Variants in ZMYM2 observed in about 807,000 individuals in gnomAD.
ZMYM2 encodes zinc finger MYM-type containing 2.
Under a neutral mutation model 162.8 loss-of-function variants are expected in ZMYM2, and 56 were observed. The observed-to-expected ratio is 0.34, with a 90% confidence interval of 0.28 to 0.43. The LOEUF (loss-of-function observed/expected upper bound fraction) is 0.43, where lower values mean the gene tolerates loss of function less well. ZMYM2 is among the 20% of genes least tolerant of loss of function. The pLI, the probability that ZMYM2 is intolerant of heterozygous loss-of-function variation, is 1.00. For missense variants in ZMYM2, 1,275 were observed against 1,621.8 expected, an observed-to-expected ratio of 0.79 and a Z score of 3.67; for synonymous variants, 510 against 541.6, an observed-to-expected ratio of 0.94 and a Z score of 0.81.
chr13:20,085,321 G>A (rs1203196235), intron 24 of ZMYM2, among the ~76,000 whole-genome samples: 1 of 152,040 alleles, frequency 6.6e-6, no homozygotes, highest in African/African-American at 2.4e-5. Context: ...GTAGTGTCAG[G>A]GTCTTCAGTT....
chr13:19,999,788 A>C (rs1950262780), intron 3 of ZMYM2, among the ~76,000 whole-genome samples: 1 of 152,140 alleles, frequency 6.6e-6, no homozygotes, highest in African/African-American at 2.4e-5. Flanking sequence ...TGAACACAGG[A>C]ATGATAACAA....
At chr13:20,066,677 G>A (rs772373284) in intron 19 of ZMYM2, 174 bp from the exon 20 acceptor site, 5 of 494,178 alleles carry the variant, frequency 1.0e-5, no homozygotes, top group Non-Finnish European at 1.7e-5. Flanking sequence ...GTAGAAGGAG[G>A]TTGGAGAGGC....
At chr13:20,048,543 A>C (rs1162818337) in intron 12 of ZMYM2, among the ~76,000 whole-genome samples, 1 of 151,932 alleles carries the variant, frequency 6.6e-6, no homozygotes, top group Admixed American at 6.6e-5. Flanking sequence ...TTTCGTATTC[A>C]TGGTTCTCCC....
chr13:19,912,873 A>G, the ZMYM2 span, among the ~76,000 whole-genome samples: 1 of 152,194 alleles, frequency 6.6e-6, no homozygotes, highest in Non-Finnish European at 1.5e-5. Flanking sequence ...AAGGTGAAGG[A>G]TAAGTGTTAC....
At chr13:19,952,693 C>G in the ZMYM2 span, among the ~76,000 whole-genome samples, 10 of 152,006 alleles carry the variant, frequency 6.6e-5, no homozygotes, top group African/African-American at 2.4e-4. Flanking sequence ...TTACAATAAA[C>G]TGGAAAAATG....
the ZMYM2 span, among the ~76,000 whole-genome samples, chr13:19,930,333 G>A: frequency 2.6e-5 from 4 of 151,944 alleles, no homozygotes; most frequent in African/African-American, 2.4e-5. Flanking sequence ...CCCAGGAGGC[G>A]AAGGTTTCAG....
chr13:19,891,369 G>C, the ZMYM2 span, among the ~76,000 whole-genome samples: 1 of 151,522 alleles, frequency 6.6e-6, no homozygotes, highest in African/African-American at 2.4e-5. Context: ...CCAGCTTCCA[G>C]AGCTATGAGA....
chr13:20,017,538 A>G (rs924185852), intron 6 of ZMYM2, among the ~76,000 whole-genome samples: 3 of 151,830 alleles, frequency 2.0e-5, no homozygotes, highest in Admixed American at 6.6e-5. Context: ...CATTTCAAAC[A>G]GTAGTGTTTT....
chr13:19,965,648 A>G (rs1219001430), intron 2 of ZMYM2, among the ~76,000 whole-genome samples: 4 of 152,122 alleles, frequency 2.6e-5, no homozygotes, highest in Non-Finnish European at 5.9e-5. Context: ...AAGTGAAAAT[A>G]TAAGTTAAAT....
At chr13:20,081,422 G>C (rs1015469873) in intron 21 of ZMYM2, among the ~76,000 whole-genome samples, 1 of 152,098 alleles carries the variant, frequency 6.6e-6, no homozygotes, top group African/African-American at 2.4e-5. Flanking sequence ...TCACTGTTAA[G>C]ATTTTTCTAG....
chr13:20,016,621 T>A (rs1951653813), intron 6 of ZMYM2, among the ~76,000 whole-genome samples: 1 of 152,204 alleles, frequency 6.6e-6, no homozygotes, highest in Non-Finnish European at 1.5e-5. Flanking sequence ...GACATAGTAT[T>A]CTTGTTTGAA....
chr13:19,954,762 C>T (rs1406764694), upstream of ZMYM2, among the ~76,000 whole-genome samples: 3 of 151,778 alleles, frequency 2.0e-5, no homozygotes, highest in Non-Finnish European at 4.4e-5. Context: ...AGTCTTTGTT[C>T]CTTCTTTCAT....
At chr13:20,057,878 C>T (rs919227495) in intron 14 of ZMYM2, among the ~76,000 whole-genome samples, 2 of 152,168 alleles carry the variant, frequency 1.3e-5, no homozygotes, top group Non-Finnish European at 2.9e-5. Flanking sequence ...TACATTTTCT[C>T]CGTATCAATA....
chr13:19,970,630 C>G (rs1956232180), intron 2 of ZMYM2, among the ~76,000 whole-genome samples: 1 of 147,558 alleles, frequency 6.8e-6, no homozygotes, highest in South Asian at 2.1e-4. Flanking sequence ...AAAGGGCATC[C>G]TCTCAGAAAG....
chr13:20,071,563 C>T (rs1051197665), intron 21 of ZMYM2, among the ~76,000 whole-genome samples: 1 of 152,138 alleles, frequency 6.6e-6, no homozygotes, highest in Non-Finnish European at 1.5e-5. Flanking sequence ...GAATTGGCCC[C>T]CTGTGCAGAT....
chr13:19,993,240 T>C lies in ZMYM2; in HGVS notation c.168T>C (p.Asp56=). Residue 56 remains aspartate, a synonymous_variant, in exon 3 of 25, where the codon GAT becomes GAC. Coordinates refer to ENST00000610343, the MANE Select transcript of ZMYM2 (RefSeq NM_197968.4). ...AGTTTCAGAACTCGTCAGTGGAAGATGATGATGATGTTGTTTTTATCGAAC... is the reference window on the plus strand; with the variant it reads ...AGTTTCAGAACTCGTCAGTGGAAGACGATGATGATGTTGTTTTTATCGAAC... The part of the protein sequence containing the change: ...SNKFQNSSVE[D]DDDVVFIEPV... 1 of 1,613,994 alleles carries C rather than the reference T, an allele frequency of 6.2e-7. No individual in the cohort carries two copies. The highest frequency in any genetic ancestry group is 8.5e-7 in the Non-Finnish European group (1 of 1,179,894).
intron 2 of ZMYM2, among the ~76,000 whole-genome samples, chr13:19,986,371 C>CAA (rs113580487): frequency 6.3e-4 from 89 of 142,344 alleles, no homozygotes; most frequent in African/African-American, 1.7e-3. Flanking sequence ...CAAACAAAAA[C>CAA]AAAAAAAAAA....
the ZMYM2 span, among the ~76,000 whole-genome samples, chr13:19,905,006 ATTTTTTTT>A: frequency 3.1e-5 from 4 of 129,920 alleles, no homozygotes; most frequent in African/African-American, 1.2e-4. Context: ...CTTGCTTTCA[ATTTTTTTT>A]TTTTTTTTTT....
chr13:20,012,585 TC>T (rs2140074294), intron 6 of ZMYM2, among the ~76,000 whole-genome samples: 1 of 152,352 alleles, frequency 6.6e-6, no homozygotes, highest in South Asian at 2.1e-4. Context: ...CTCTACAGTT[TC>T]CTCTAAGAGT....
Sources: allele counts gnomAD v4.1 joint callset (sites outside exome capture counted in the v4.1 genomes callset), GRCh38; gene constraint gnomAD v4.1.1; transcripts MANE v1.5; gene names NCBI Gene and HGNC (gene_info 2026-07-23, HGNC 2026-07-21).